Variants in CSMD1 observed in about 807,000 individuals in gnomAD.
CSMD1 encodes the protein CUB and sushi domain-containing protein 1.
In CSMD1, 213 loss-of-function variants were observed where a neutral mutation model predicts 417.5. The ratio of observed to expected loss-of-function variants is 0.51; its 90% CI spans 0.46 to 0.57. CSMD1 has a LOEUF of 0.57. CSMD1 is among the 20% of genes least tolerant of loss of function. The pLI is 0.00. For missense variants in CSMD1, 6,923 were observed against 4,529.7 expected, an observed-to-expected ratio of 1.53 and a Z score of -15.17; for synonymous variants, 2,862 against 1,736.8, an observed-to-expected ratio of 1.65 and a Z score of -16.11.
rs771790436 is a variant in CSMD1, at chr8:3,190,004, G to C, written c.5306C>G (p.Pro1769Arg). 2.5e-6 allele frequency: 4 copies of C among 1,598,744 alleles called. No homozygotes were observed. The highest frequency in any genetic ancestry group is 3.4e-6 in the Non-Finnish European group (4 of 1,172,972). ...AGSIVRFECNPGYLLQGSTAL... is the reference protein window; with the variant it reads ...AGSIVRFECNRGYLLQGSTAL... The stretch of plus-strand genomic sequence containing the variant: ...CGTGGAACCCTGAAGCAGGTATCCC[G>C]GGTTGCACTCGAATCGGACGATGGA... The change falls in exon 34 of 70, where the codon CCG becomes CGG. Residue 1769 changes from proline to arginine, a missense_variant. Coordinates refer to ENST00000635120, the MANE Select transcript of CSMD1 (RefSeq NM_033225.6).
chr8:3,940,133 A>G (rs1810776227), intron 5 of CSMD1, among the ~76,000 whole-genome samples: 2 of 152,136 alleles, frequency 1.3e-5, no homozygotes, highest in African/African-American at 4.8e-5. Context: ...AAATAGTACT[A>G]CTATACAAGT....
At chr8:4,130,871 G>T (rs966670200) in intron 3 of CSMD1, among the ~76,000 whole-genome samples, 1 of 151,676 alleles carries the variant, frequency 6.6e-6, no homozygotes, top group Non-Finnish European at 1.5e-5. Flanking sequence ...TAGAAAGAGT[G>T]TTCATATGCT....
intron 26 of CSMD1, among the ~76,000 whole-genome samples, chr8:3,249,898 A>G (rs1800144137): frequency 6.6e-6 from 1 of 152,206 alleles, no homozygotes; most frequent in South Asian, 2.1e-4. Flanking sequence ...ATGCTATTGC[A>G]AAGCCAACTA....
At chr8:4,401,679 C>T (rs915162568) in intron 3 of CSMD1, among the ~76,000 whole-genome samples, 6 of 152,084 alleles carry the variant, frequency 3.9e-5, no homozygotes, top group African/African-American at 4.8e-5. Context: ...TCCCAAATAC[C>T]GGAAAAACTC....
At chr8:4,412,094 C>A (rs78386264) in intron 3 of CSMD1, among the ~76,000 whole-genome samples, 1 of 149,478 alleles carries the variant, frequency 6.7e-6, no homozygotes, top group African/African-American at 2.5e-5. Flanking sequence ...TGCAAGAGTG[C>A]GTGCGTGTGT....
At position 3,930,250 on chromosome 8, in the gene CSMD1, C is replaced by T. The variant is rs536526056; in HGVS notation, c.818+67653G>A. ...TAGAGGTCCTTCTTCAAAGACTTTC[C>T]TCCCCATCTAATTAGGAATAAATAG... On this transcript the variant is annotated intron_variant, in intron 5 of 69. Transcript: ENST00000635120. Among the ~76,000 whole-genome samples, 56 of 150,408 alleles carry T rather than the reference C, an allele frequency of 3.7e-4. 2 individuals carry two copies. In the South Asian group the frequency reaches 0.011, roughly 30 times the overall value.
intron 2 of CSMD1, among the ~76,000 whole-genome samples, chr8:4,472,849 G>A (rs1292541368): frequency 3.3e-5 from 5 of 151,852 alleles, no homozygotes; most frequent in African/African-American, 1.2e-4. Context: ...TAAGTGTGAT[G>A]ACATATGATT....
rs917122282 is a variant in CSMD1, at chr8:4,146,394, G to A, written c.416-114295C>T. 8.6e-5 allele frequency among the ~76,000 whole-genome samples: 13 copies of A among 150,482 alleles called. 1 individual carries two copies. The highest frequency in any genetic ancestry group is 3.4e-3 in the Middle Eastern group (1 of 294). ...CTTGCAGAGCTGGCAATTCGGGGTT[G>A]ATAATGTGGCACAGCAGACTCCAAA... On this transcript the variant is annotated intron_variant, in intron 3 of 69. Coordinates refer to ENST00000635120, the MANE Select transcript of CSMD1 (RefSeq NM_033225.6).
At chr8:4,853,271 G>T (rs1371690231) in intron 1 of CSMD1, among the ~76,000 whole-genome samples, 1 of 152,088 alleles carries the variant, frequency 6.6e-6, no homozygotes, top group African/African-American at 2.4e-5. Flanking sequence ...CAGGCCCAGA[G>T]GTCTACAAAG....
intron 2 of CSMD1, among the ~76,000 whole-genome samples, chr8:4,535,767 A>T (rs1232834442): frequency 2.0e-5 from 3 of 152,206 alleles, no homozygotes; most frequent in Non-Finnish European, 4.4e-5. Flanking sequence ...AGGTTAGTTC[A>T]TGCTTCTAGG....
At chr8:4,704,001 A>AATGCCG (rs763777076) in intron 1 of CSMD1, among the ~76,000 whole-genome samples, 27 of 152,318 alleles carry the variant, frequency 1.8e-4, no homozygotes, top group Non-Finnish European at 3.4e-4. Context: ...ATGAGAATCT[A>AATGCCG]ATGCCGATGC....
chr8:4,451,433 G>C (rs770059142), intron 2 of CSMD1, among the ~76,000 whole-genome samples: 2 of 152,188 alleles, frequency 1.3e-5, no homozygotes, highest in Admixed American at 1.3e-4. Context: ...CTGAAAAAGT[G>C]GTCAGAAAAG....
intron 12 of CSMD1, among the ~76,000 whole-genome samples, chr8:3,443,854 G>A (rs1425329327): frequency 2.6e-5 from 4 of 152,150 alleles, no homozygotes; most frequent in African/African-American, 9.7e-5. Context: ...ATATGGAAAT[G>A]TTGGTATTGC....
intron 3 of CSMD1, among the ~76,000 whole-genome samples, chr8:4,233,972 G>T (rs556653519): frequency 6.6e-6 from 1 of 151,844 alleles, no homozygotes; most frequent in Admixed American, 6.6e-5. Context: ...GTAAAACGGC[G>T]GGGGGTGGGG....
At position 3,132,142 on chromosome 8, in the gene CSMD1, C is replaced by T. The variant is rs763672732; in HGVS notation, c.6241+10323G>A. Among the ~76,000 whole-genome samples the T allele has an allele frequency of 7.2e-5, 11 of 152,274 alleles. No homozygotes were observed. The East Asian group carries it at 7.7e-4, about 11-fold the overall frequency. ...AAGCCTGCTCAGTGTGCCTGCTCTG[C>T]GAGGCCACCCAGTGGGTTTTACCCT... is the stretch of plus-strand genomic sequence containing the variant. On this transcript the variant is annotated intron_variant, in intron 41 of 69. Transcript: ENST00000635120.
intron 3 of CSMD1, among the ~76,000 whole-genome samples, chr8:4,298,987 G>C (rs1258733730): frequency 2.0e-5 from 3 of 151,906 alleles, no homozygotes; most frequent in Non-Finnish European, 1.5e-5. Context: ...GTGTTGCTTT[G>C]CAGATCTACT....
At chr8:4,931,943 C>A (rs1240647751) in intron 1 of CSMD1, among the ~76,000 whole-genome samples, 3 of 152,002 alleles carry the variant, frequency 2.0e-5, no homozygotes, top group African/African-American at 4.8e-5. Flanking sequence ...GTAAGAAATT[C>A]TTGTGTAACA....
chr8:3,911,040 G>A (rs1178965581), intron 5 of CSMD1, among the ~76,000 whole-genome samples: 1 of 152,036 alleles, frequency 6.6e-6, no homozygotes, highest in Non-Finnish European at 1.5e-5. Context: ...AGCCCTCTGG[G>A]GACACTCCAG....
intron 10 of CSMD1, among the ~76,000 whole-genome samples, chr8:3,507,466 C>T (rs772618465): frequency 4.6e-5 from 7 of 152,250 alleles, no homozygotes; most frequent in Non-Finnish European, 7.4e-5. Flanking sequence ...AGTAAACATA[C>T]GTGTGCATGT....
Sources: gnomAD v4.1 joint callset for allele counts (sites outside exome capture counted in the v4.1 genomes callset) on GRCh38, gnomAD v4.1.1 for gene constraint, MANE v1.5 for transcripts, NCBI Gene and HGNC (gene_info 2026-07-23, HGNC 2026-07-21) for gene names.